The following TRDN variants were observed in gnomAD, a reference collection of about 807,000 sequenced individuals.
The protein encoded by TRDN is triadin, also known as triadin in skeletal muscle.
In TRDN, 161 loss-of-function variants were observed where a neutral mutation model predicts 149.7. The ratio of observed to expected loss-of-function variants is 1.08; its 90% CI spans 0.95 to 1.23. TRDN has a LOEUF of 1.23. Among genes scored for constraint, TRDN ranks in the 50% most tolerant of loss-of-function variants. TRDN has a pLI of 0.00. For missense variants in TRDN, 896 were observed against 823.5 expected (o/e 1.09, Z -1.08); for synonymous variants, 294 against 250.5 (o/e 1.17, Z -1.64).
chr6:123,288,967 CAAGATACT>C (rs1357982404), intron 24 of TRDN, among the ~76,000 whole-genome samples: 1 of 150,372 alleles, frequency 6.7e-6, no homozygotes, highest in African/African-American at 2.4e-5. Context: ...TCACAGTAGG[CAAGATACT>C]AAGTGTCCAT....
intron 12 of TRDN, among the ~76,000 whole-genome samples, chr6:123,418,307 C>T (rs758594435): frequency 1.3e-5 from 2 of 151,636 alleles, no homozygotes; most frequent in Non-Finnish European, 2.9e-5. Flanking sequence ...TTGTTTCATG[C>T]TGTGTGTGTG....
rs531409217 is a variant in TRDN, at chr6:123,583,715, T to C, written c.23-12583A>G. Among the ~76,000 whole-genome samples the C allele has an allele frequency of 2.0e-5, 3 of 152,166 alleles. No individual in the cohort carries two copies. In the South Asian group the frequency reaches 6.2e-4, roughly 32 times the overall value. ...ACTGTGGTGGCCTTCTCAGACCCTGTAGGAAAGGACTCTACCTATCCAGTG... is the reference window on the plus strand; with the variant it reads ...ACTGTGGTGGCCTTCTCAGACCCTGCAGGAAAGGACTCTACCTATCCAGTG... On this transcript the variant is annotated intron_variant, in intron 1 of 40. Transcript: ENST00000334268.
intron 8 of TRDN, chr6:123,502,121 T>A: frequency 4.1e-6 from 4 of 984,114 alleles, no homozygotes; most frequent in Non-Finnish European, 4.8e-6. Context: ...ACTGATTTCA[T>A]GTGATTATTT....
intron 10 of TRDN, chr6:123,464,377 TGTGTGTGTGTGA>T (rs1776660788): frequency 1.0e-6 from 1 of 970,134 alleles, no homozygotes; most frequent in Admixed American, 6.1e-5. Context: ...AAACAGTATT[TGTGTGTGTGTGA>T]GTGTGTGTGT....
chr6:123,449,136 A>G (rs1013101076), intron 10 of TRDN, among the ~76,000 whole-genome samples: 2 of 152,098 alleles, frequency 1.3e-5, no homozygotes, highest in Admixed American at 6.5e-5. Context: ...CAGAAAACCA[A>G]CGCTGGTAAT....
intron 10 of TRDN, among the ~76,000 whole-genome samples, chr6:123,443,245 TA>T (rs1307836069): frequency 4.0e-5 from 6 of 149,160 alleles, no homozygotes; most frequent in South Asian, 2.1e-4. Context: ...ATATTATATA[TA>T]TTTTTTTGGA....
intron 2 of TRDN, among the ~76,000 whole-genome samples, chr6:123,554,368 G>T (rs754192290): frequency 2.0e-5 from 3 of 151,984 alleles, no homozygotes; most frequent in Non-Finnish European, 4.4e-5. Context: ...ATATATAATT[G>T]ATATCTAGGT....
chr6:123,537,414 G>A (rs914820213), intron 4 of TRDN, among the ~76,000 whole-genome samples: 4 of 152,054 alleles, frequency 2.6e-5, no homozygotes, highest in Admixed American at 2.6e-4. Context: ...TGATCCTCTT[G>A]GTAGTCCAAG....
intron 24 of TRDN, among the ~76,000 whole-genome samples, chr6:123,295,880 G>A (rs544628261): frequency 3.3e-5 from 5 of 151,830 alleles, no homozygotes; most frequent in East Asian, 3.9e-4. Flanking sequence ...CACGAGAATC[G>A]CTTGAACCCA....
intron 2 of TRDN, 118 bp downstream of exon 2, chr6:123,570,805 G>A (rs1782533546): frequency 1.2e-6 from 1 of 822,738 alleles, no homozygotes; most frequent in African/African-American, 1.7e-5. Flanking sequence ...AAGCACATTT[G>A]TGGGGTGTTT....
At chr6:123,610,823 G>A (rs1784770621) in intron 1 of TRDN, among the ~76,000 whole-genome samples, 1 of 152,110 alleles carries the variant, frequency 6.6e-6, no homozygotes, top group South Asian at 2.1e-4. Context: ...ACTGCATTAA[G>A]TTTATTTGAG....
intron 24 of TRDN, among the ~76,000 whole-genome samples, chr6:123,288,648 T>A (rs1260380612): frequency 6.8e-6 from 1 of 147,598 alleles, no homozygotes; most frequent in Non-Finnish European, 1.5e-5. Flanking sequence ...TTTCTAATCA[T>A]GTGGGAAATA....
At chr6:123,246,467 A>G (rs1178200077) in intron 38 of TRDN, among the ~76,000 whole-genome samples, 1 of 152,188 alleles carries the variant, frequency 6.6e-6, no homozygotes, top group Non-Finnish European at 1.5e-5. Context: ...CTATGCAAAT[A>G]AACTATGAAA....
chr6:123,251,833 C>T (rs2114569467), intron 38 of TRDN, among the ~76,000 whole-genome samples: 1 of 151,992 alleles, frequency 6.6e-6, no homozygotes, highest in Non-Finnish European at 1.5e-5. Flanking sequence ...ATTCTGGGAG[C>T]TGTGGTTTAT....
At chr6:123,280,678 T>G (rs78518739) in intron 24 of TRDN, among the ~76,000 whole-genome samples, 1 of 146,724 alleles carries the variant, frequency 6.8e-6, no homozygotes, top group Non-Finnish European at 1.5e-5. Context: ...GGCTAACCTC[T>G]GCTTAAGGCC....
intron 2 of TRDN, among the ~76,000 whole-genome samples, chr6:123,549,022 G>T (rs1351977795): frequency 6.6e-6 from 1 of 151,990 alleles, no homozygotes; most frequent in African/African-American, 2.4e-5. Context: ...CAAATAACAA[G>T]TTCTGCAAGT....
intron 27 of TRDN, 23 bp downstream of exon 27, chr6:123,274,618 A>G (rs374442761): frequency 2.7e-5 from 43 of 1,597,498 alleles, no homozygotes; most frequent in Admixed American, 3.4e-5. Context: ...CTCTGAATCT[A>G]TATAAAATAA....
At chr6:123,413,915 TC>T (rs1020091564) in intron 12 of TRDN, among the ~76,000 whole-genome samples, 1 of 152,048 alleles carries the variant, frequency 6.6e-6, no homozygotes, top group African/African-American at 2.4e-5. Context: ...CCATTAGACA[TC>T]TCTACCAGAT....
chr6:123,519,480 T>C (rs924011736), intron 5 of TRDN, among the ~76,000 whole-genome samples: 1 of 58,644 alleles, frequency 1.7e-5, no homozygotes, highest in Non-Finnish European at 5.3e-5. Context: ...GTGGTTTTTT[T>C]TTTTTTTTTT....
Sources: gnomAD v4.1 joint callset for allele counts (sites outside exome capture counted in the v4.1 genomes callset) on GRCh38, gnomAD v4.1.1 for gene constraint, MANE v1.5 for transcripts, NCBI Gene and HGNC (gene_info 2026-07-23, HGNC 2026-07-21) for gene names.